LAT2: variants seen among roughly 807,000 people sequenced by gnomAD.
LAT2 encodes the protein linker for activation of T-cells family member 2.
In LAT2, 23 loss-of-function variants were observed where a neutral mutation model predicts 43.4. That is an observed-to-expected ratio of 0.53 (90% CI 0.38 to 0.75). The LOEUF is 0.75. Among genes scored for constraint, LAT2 ranks in the 30% least tolerant of loss-of-function variants. The pLI is 0.00. For synonymous variants in LAT2, 128 were observed against 123.2 expected, an observed-to-expected ratio of 1.04 and a Z score of -0.26; for missense variants, 284 against 310.2, an observed-to-expected ratio of 0.92 and a Z score of 0.64.
At chr7:74,219,190 C>A (rs1266008914) in intron 4 of LAT2, among the ~76,000 whole-genome samples, 4 of 151,706 alleles carry the variant, frequency 2.6e-5, no homozygotes, top group African/African-American at 9.7e-5. Context: ...GCGCCCGCCA[C>A]CGCGCCCGGC....
rs1554714798 is a variant in LAT2 at position 74,219,769 on chromosome 7, G to A, written c.160G>A (p.Gly54Arg). Residue 54 changes from glycine (G) to arginine (R), a missense_variant, in exon 5 of 14, where the codon GGG becomes AGG. Transcript: ENST00000460943. ...GCGTGAGGACCAACAGAGCTTTACG[G>A]GGTCCCGGACCTACTCCTGTGAGTC... The part of the protein sequence containing the change: ...SLREDQQSFT[G>R]SRTYSLVGQA... 2 of 1,614,004 alleles carry A rather than the reference G, an allele frequency of 1.2e-6. No homozygotes were observed. Among genetic ancestry groups the A allele is most frequent in the Non-Finnish European group, 1.7e-6 (2 of 1,180,042 alleles).
At chr7:74,224,814 G>A in intron 13 of LAT2, 54 bp downstream of exon 13, 1 of 1,283,566 alleles carries the variant, frequency 7.8e-7, no homozygotes, top group Non-Finnish European at 1.1e-6. Context: ...GTCTTGCCAA[G>A]CTGCAGGACC....
chr7:74,221,156 C>G (rs977160418), intron 9 of LAT2, among the ~76,000 whole-genome samples: 1 of 152,140 alleles, frequency 6.6e-6, no homozygotes. Flanking sequence ...TGGCTCATGC[C>G]TGTAATCCCA....
At chr7:74,216,948 C>G in intron 4 of LAT2, 84 bp downstream of exon 4, 1 of 1,136,730 alleles carries the variant, frequency 8.8e-7, no homozygotes, top group Non-Finnish European at 1.3e-6. Context: ...GCACCCCATC[C>G]TTCACCCCTT....
chr7:74,211,229 G>A (rs1343825143), intron 1 of LAT2, among the ~76,000 whole-genome samples: 1 of 152,090 alleles, frequency 6.6e-6, no homozygotes, highest in Non-Finnish European at 1.5e-5. Flanking sequence ...GGATGGGAGA[G>A]TGAAAGTGAG....
chr7:74,217,174 G>A (rs1554714399), intron 4 of LAT2, among the ~76,000 whole-genome samples: 1 of 152,184 alleles, frequency 6.6e-6, no homozygotes, highest in Non-Finnish European at 1.5e-5. Flanking sequence ...GTTCACACCT[G>A]TAATCCCAGC....
At chr7:74,227,247 A>T (rs1338159613) in intron 13 of LAT2, among the ~76,000 whole-genome samples, 1 of 148,716 alleles carries the variant, frequency 6.7e-6, no homozygotes, top group East Asian at 2.0e-4. Flanking sequence ...TTTGAGAGGG[A>T]GTCTCGCTCT....
chr7:74,225,128 C>G (rs1554715930), intron 13 of LAT2: 1 of 168,900 alleles, frequency 5.9e-6, no homozygotes, highest in African/African-American at 2.4e-5. Flanking sequence ...CACGGTGGCT[C>G]ACGCCTGTAA....
intron 1 of LAT2, among the ~76,000 whole-genome samples, chr7:74,210,497 G>A (rs2116060890): frequency 6.6e-6 from 1 of 152,272 alleles, no homozygotes. Flanking sequence ...TCTTGCCCCA[G>A]GTCAGGTGAA....
intron 10 of LAT2, 123 bp from the exon 11 acceptor site, chr7:74,223,601 C>A (rs1398258670): frequency 1.2e-5 from 11 of 887,096 alleles, no homozygotes; most frequent in East Asian, 9.7e-5. Flanking sequence ...CCCGGGGGAC[C>A]CAGAGGGCTA....
intron 11 of LAT2, 108 bp from the exon 12 acceptor site, chr7:74,223,910 G>A: frequency 6.8e-7 from 1 of 1,465,948 alleles, no homozygotes; most frequent in South Asian, 1.2e-5. Context: ...CGGATCCCCA[G>A]GTACCTTTCG....
intron 3 of LAT2, among the ~76,000 whole-genome samples, chr7:74,216,475 G>A (rs1438686323): frequency 2.6e-5 from 4 of 152,128 alleles, no homozygotes; most frequent in Non-Finnish European, 5.9e-5. Context: ...GGGTTGAAGC[G>A]ATTCTCCTGC....
chr7:74,216,094 A>T (rs781914292), intron 3 of LAT2, 25 bp downstream of exon 3: 1 of 1,587,392 alleles, frequency 6.3e-7, no homozygotes, highest in Non-Finnish European at 8.6e-7. Context: ...CGGGGACGTG[A>T]TGGGGAGAAG....
chr7:74,211,077 C>G (rs1285022753), intron 1 of LAT2, among the ~76,000 whole-genome samples: 4 of 152,178 alleles, frequency 2.6e-5, no homozygotes, highest in African/African-American at 9.7e-5. Flanking sequence ...GCCCACTTCC[C>G]TTTAGTGCTA....
At chr7:74,216,200 C>T (rs1251072224) in intron 3 of LAT2, 131 bp downstream of exon 3, 2 of 694,562 alleles carry the variant, frequency 2.9e-6, no homozygotes, top group Non-Finnish European at 4.7e-6. Context: ...CCCCTGACCC[C>T]TAAACTGCCC....
chr7:74,223,993 G>A, intron 11 of LAT2, 25 bp from the exon 12 acceptor site: 1 of 1,609,422 alleles, frequency 6.2e-7, no homozygotes, highest in Non-Finnish European at 8.5e-7. Flanking sequence ...CTGAGCCAAG[G>A]GGGGCCTATT....
intron 13 of LAT2, chr7:74,226,483 C>G (rs1438427079): frequency 1.3e-5 from 2 of 152,436 alleles, no homozygotes; most frequent in Non-Finnish European, 2.9e-5. Flanking sequence ...AGAGCAAGAC[C>G]CCATCTCAAA....
chr7:74,213,206 CCTCCTT>C (rs1183964054), intron 1 of LAT2, among the ~76,000 whole-genome samples: 1 of 151,948 alleles, frequency 6.6e-6, no homozygotes, highest in Non-Finnish European at 1.5e-5. Context: ...GCAACCTCCA[CCTCCTT>C]GGTTCAAGCA....
At chr7:74,210,321 T>A (rs577757458) in intron 1 of LAT2, among the ~76,000 whole-genome samples, 9 of 152,216 alleles carry the variant, frequency 5.9e-5, no homozygotes, top group Admixed American at 1.3e-4. Flanking sequence ...CCTTGGGACA[T>A]CCCAGGGTGG....
Sources: allele counts gnomAD v4.1 joint callset (sites outside exome capture counted in the v4.1 genomes callset), GRCh38; gene constraint gnomAD v4.1.1; transcripts MANE v1.5; gene names NCBI Gene and HGNC (gene_info 2026-07-23, HGNC 2026-07-21).